Variants in EVI5 observed in about 807,000 individuals in gnomAD.
The protein encoded by EVI5 is ecotropic viral integration site 5.
In EVI5, 73 loss-of-function variants were observed where a neutral mutation model predicts 112.0. The ratio of observed to expected loss-of-function variants is 0.65; its 90% confidence interval spans 0.54 to 0.79. The LOEUF is 0.79. EVI5 is among the 30% of genes least tolerant of loss of function. The pLI is 0.00. For missense variants in EVI5, 900 were observed against 968.8 expected (o/e 0.93, Z 0.94); for synonymous variants, 305 against 319.9 (o/e 0.95, Z 0.50).
chr1:92,690,112 A>G (rs940594351), intron 9 of EVI5, among the ~76,000 whole-genome samples: 2 of 152,084 alleles, frequency 1.3e-5, no homozygotes, highest in Non-Finnish European at 2.9e-5. Flanking sequence ...TCCCAGGCTC[A>G]AGCAATCCTC....
chr1:92,632,212 G>A (rs1181513286), intron 14 of EVI5, among the ~76,000 whole-genome samples: 2 of 152,184 alleles, frequency 1.3e-5, no homozygotes, highest in Non-Finnish European at 2.9e-5. Context: ...AGTTAGGGAG[G>A]ATTCCCTCTT....
intron 2 of EVI5, among the ~76,000 whole-genome samples, chr1:92,728,686 C>G (rs187986374): frequency 4.1e-4 from 62 of 152,248 alleles, no homozygotes; most frequent in African/African-American, 1.5e-3. Context: ...CCGGGCCCAG[C>G]GAATCATGGT....
intron 2 of EVI5, chr1:92,713,899 A>G (rs1673221938): frequency 2.4e-6 from 1 of 412,120 alleles, no homozygotes; most frequent in South Asian, 1.0e-4. Flanking sequence ...CTGCAATGCC[A>G]AAGTTTTAAA....
At chr1:92,648,162 C>G (rs1478136209) in intron 13 of EVI5, among the ~76,000 whole-genome samples, 3 of 130,550 alleles carry the variant, frequency 2.3e-5, no homozygotes, top group Non-Finnish European at 3.1e-5. Flanking sequence ...CTGGCTAACA[C>G]GGTGAAACCC....
intron 19 of EVI5, among the ~76,000 whole-genome samples, chr1:92,554,078 G>A (rs1667354160): frequency 6.6e-6 from 1 of 152,186 alleles, no homozygotes; most frequent in African/African-American, 2.4e-5. Flanking sequence ...TACAATGCTA[G>A]TAGCACCAAA....
At chr1:92,678,387 C>T (rs1667079964) in intron 9 of EVI5, among the ~76,000 whole-genome samples, 1 of 152,034 alleles carries the variant, frequency 6.6e-6, no homozygotes, top group East Asian at 1.9e-4. Context: ...AAAAATTAGC[C>T]AGGTGCGGTG....
Position 92,694,322 on chromosome 1 carries a change from G to A in EVI5, c.976C>T (p.Leu326Phe), listed in dbSNP as rs769548687. 6.3e-7 allele frequency: 1 copy of A among 1,589,802 alleles called. No individual in the cohort carries two copies. The highest frequency in any genetic ancestry group is 1.1e-5 in the South Asian group (1 of 89,508). The change falls in exon 8 of 20, where the codon CTT becomes TTT. Residue 326 changes from leucine (L) to phenylalanine (F), a missense_variant. Leu to Phe is a conservative substitution (Grantham distance 22). Coordinates refer to ENST00000684568, the MANE Select transcript of EVI5 (RefSeq NM_001350197.2). Reference protein sequence around the residue: ...LQMNQAELMQLDMEGMLQHFQ... With the variant: ...LQMNQAELMQFDMEGMLQHFQ... ...ACCTGTAACATCCCTTCCATGTCAA[G>A]TTGCATCAGTTCTGCCTGATTCATC...
intron 18 of EVI5, among the ~76,000 whole-genome samples, chr1:92,581,922 T>C (rs747787323): frequency 2.6e-5 from 4 of 152,240 alleles, no homozygotes; most frequent in East Asian, 1.9e-4. Context: ...ACCTGTGATA[T>C]GCCAGGCACC....
At chr1:92,699,322 C>T (rs1384840717) in intron 5 of EVI5, among the ~76,000 whole-genome samples, 1 of 152,174 alleles carries the variant, frequency 6.6e-6, no homozygotes, top group Non-Finnish European at 1.5e-5. Context: ...AATCTGACCC[C>T]ATTTCCAATC....
chr1:92,783,403 G>A (rs1685118035), intron 1 of EVI5, among the ~76,000 whole-genome samples: 1 of 144,256 alleles, frequency 6.9e-6, no homozygotes, highest in Admixed American at 7.2e-5. Context: ...GCGTGGTGAT[G>A]TACGCCTGTA....
chr1:92,720,055 G>C lies in EVI5; in HGVS notation c.150-15311C>G, dbSNP rs539759957. Reference sequence around the variant, plus strand: ...ACAAACAAATGGAAGAACATTCCATGCTCATGAATAGGAAGAATCAATACT... The same window carrying C: ...ACAAACAAATGGAAGAACATTCCATCCTCATGAATAGGAAGAATCAATACT... On this transcript the variant is annotated intron_variant, in intron 2 of 19. Coordinates refer to ENST00000684568, the MANE Select transcript of EVI5 (RefSeq NM_001350197.2). Among the ~76,000 whole-genome samples, 5 of 152,124 alleles carry C rather than the reference G, an allele frequency of 3.3e-5. No individual in the cohort carries two copies. The South Asian group carries it at 1.0e-3, about 32-fold the overall frequency.
chr1:92,586,658 C>T (rs1196550048), intron 18 of EVI5, among the ~76,000 whole-genome samples: 1 of 130,932 alleles, frequency 7.6e-6, no homozygotes, highest in Non-Finnish European at 1.6e-5. Flanking sequence ...TGAGTACTTC[C>T]TTACTTATTG....
At chr1:92,607,806 C>G in intron 16 of EVI5, 79 bp from the exon 17 acceptor site, 1 of 861,690 alleles carries the variant, frequency 1.2e-6, no homozygotes, top group Non-Finnish European at 1.7e-6. Context: ...CCATTTTATA[C>G]CATAACATTA....
intron 5 of EVI5, among the ~76,000 whole-genome samples, chr1:92,701,246 C>T (rs949289288): frequency 2.0e-5 from 3 of 152,170 alleles, no homozygotes; most frequent in African/African-American, 7.2e-5. Context: ...TTTTATCTAC[C>T]AGGATGTGTG....
At chr1:92,738,187 C>T (rs556418069) in intron 1 of EVI5, among the ~76,000 whole-genome samples, 7 of 152,198 alleles carry the variant, frequency 4.6e-5, no homozygotes, top group African/African-American at 1.7e-4. Context: ...TTATTTGTGC[C>T]ACGAAATGAC....
rs142767431 is a variant in EVI5, at chr1:92,689,679, C to G, written c.1097+4123G>C. ...CCACTGCACGTGGCCACAATAAGAACTCTTACACTGCCGGGTTAGACTATA... is the reference window on the plus strand; with the variant it reads ...CCACTGCACGTGGCCACAATAAGAAGTCTTACACTGCCGGGTTAGACTATA... On this transcript the variant is annotated intron_variant, in intron 9 of 19. Coordinates refer to ENST00000684568, the MANE Select transcript of EVI5 (RefSeq NM_001350197.2). Among the ~76,000 whole-genome samples, 19 of 152,180 alleles carry G rather than the reference C, an allele frequency of 1.2e-4. No homozygotes were observed. In the East Asian group the frequency reaches 3.7e-3, roughly 29 times the overall value.
intron 14 of EVI5, among the ~76,000 whole-genome samples, chr1:92,628,976 T>C (rs1035962696): frequency 6.6e-6 from 1 of 152,196 alleles, no homozygotes; most frequent in Admixed American, 6.5e-5. Context: ...CCTTTCAAAT[T>C]CCTTTCTACT....
intron 11 of EVI5, among the ~76,000 whole-genome samples, chr1:92,665,358 G>C (rs1340528220): frequency 3.9e-5 from 6 of 151,948 alleles, no homozygotes; most frequent in Non-Finnish European, 8.8e-5. Context: ...TTCATCAAAA[G>C]CACACTATGA....
rs566279613 is a variant in EVI5 at position 92,641,782 on chromosome 1, T to TA, written c.1393-5447dup. Among the ~76,000 whole-genome samples the TA allele has an allele frequency of 9.9e-5, 15 of 152,230 alleles. No homozygotes were observed. In the South Asian group the frequency reaches 2.9e-3, roughly 29 times the overall value. On this transcript the variant is annotated intron_variant, in intron 13 of 19. Coordinates refer to ENST00000684568, the MANE Select transcript of EVI5 (RefSeq NM_001350197.2). ...CCTACCACATGCTGTAAACAGGATT[T>TA]AAAAAAACCCAAGCAATACTGTTGT...
Sources: gnomAD v4.1 joint callset for allele counts (sites outside exome capture counted in the v4.1 genomes callset) on GRCh38, gnomAD v4.1.1 for gene constraint, MANE v1.5 for transcripts, NCBI Gene and HGNC (gene_info 2026-07-23, HGNC 2026-07-21) for gene names.